The following FOXP2 variants were observed in gnomAD, a reference collection of about 807,000 sequenced individuals.
FOXP2 encodes the protein forkhead box P2, also known as forkhead box protein P2.
FOXP2 carries 12 observed loss-of-function variants against 115.8 expected under a neutral mutation model. The ratio of observed to expected loss-of-function variants is 0.10; its 90% CI spans 0.07 to 0.17. The LOEUF is 0.17. FOXP2 is among the 10% of genes least tolerant of loss of function. The pLI is 1.00. For synonymous variants in FOXP2, 328 were observed against 297.7 expected (o/e 1.10, Z -1.05); for missense variants, 629 against 843.5 (o/e 0.75, Z 3.15).
chr7:114,619,581 G>A (rs1056047573), intron 3 of FOXP2, among the ~76,000 whole-genome samples: 2 of 151,952 alleles, frequency 1.3e-5, no homozygotes, highest in Non-Finnish European at 2.9e-5. Context: ...AATGTTGCTA[G>A]GTTTTTTTAA....
At chr7:114,422,596 G>A (rs1034102078) in intron 1 of FOXP2, among the ~76,000 whole-genome samples, 1 of 151,552 alleles carries the variant, frequency 6.6e-6, no homozygotes, top group African/African-American at 2.4e-5. Flanking sequence ...AAAGAGATAG[G>A]GAGCATAAGA....
intron 2 of FOXP2, among the ~76,000 whole-genome samples, chr7:114,515,083 T>G (rs1251114746): frequency 6.6e-6 from 1 of 150,640 alleles, no homozygotes; most frequent in Non-Finnish European, 1.5e-5. Flanking sequence ...TTCCATGGTG[T>G]ATATGTGCCA....
At chr7:114,540,527 T>C (rs543835351) in intron 3 of FOXP2, among the ~76,000 whole-genome samples, 3 of 152,198 alleles carry the variant, frequency 2.0e-5, no homozygotes, top group East Asian at 3.9e-4. Context: ...CAGGGACTTA[T>C]GACTTAGTTG....
intron 2 of FOXP2, among the ~76,000 whole-genome samples, chr7:114,475,821 C>A (rs1796231231): frequency 6.6e-6 from 1 of 151,628 alleles, no homozygotes; most frequent in African/African-American, 2.4e-5. Flanking sequence ...AAACTAATAT[C>A]TATATCTATC....
At chr7:114,534,796 A>T in intron 3 of FOXP2, 90 bp downstream of exon 3, 1 of 947,514 alleles carries the variant, frequency 1.1e-6, no homozygotes, top group South Asian at 1.4e-5. Flanking sequence ...TATATACAGG[A>T]AATTATTACA....
Position 114,559,904 on chromosome 7 carries a change from T to A in FOXP2, c.258+25198T>A, listed in dbSNP as rs11972007. On this transcript the variant is annotated intron_variant, in intron 3 of 16. Transcript: ENST00000350908. The stretch of plus-strand genomic sequence containing the variant: ...ATTCCATCTTAAAAAAAAAAAAAAA[T>A]CTCATTTTAAAATTAATTTAAAATC... Among the ~76,000 whole-genome samples, 537 of 124,104 alleles carry A rather than the reference T, an allele frequency of 4.3e-3. 5 individuals are homozygous for A. The highest frequency in any genetic ancestry group is 0.012 in the African/African-American group (409 of 33,796). 81.4% of individuals were successfully genotyped at this position (124,104 alleles called of 152,430 possible). A position where few individuals can be genotyped will look rare whatever the true frequency, so the allele number is the denominator to read the frequency against.
chr7:114,322,303 A>G (rs1326660071), intron 2 of FOXP2, among the ~76,000 whole-genome samples: 3 of 151,380 alleles, frequency 2.0e-5, no homozygotes, highest in Admixed American at 1.3e-4. Flanking sequence ...GATTACAGGC[A>G]TGAGCCACCA....
At chr7:114,294,841 A>AAAATAAAC (rs1796698580) in intron 2 of FOXP2, among the ~76,000 whole-genome samples, 1 of 139,942 alleles carries the variant, frequency 7.1e-6, no homozygotes, top group South Asian at 2.5e-4. Flanking sequence ...ACACTGCCTC[A>AAAATAAAC]AAATAAATAA....
intron 3 of FOXP2, among the ~76,000 whole-genome samples, chr7:114,577,822 A>G (rs1584916099): frequency 6.6e-6 from 1 of 151,972 alleles, no homozygotes; most frequent in Admixed American, 6.6e-5. Context: ...CTGGCATACA[A>G]CAGCCAGTAT....
At chr7:114,270,118 T>TATACGTGGAATACATGGAA (rs1795998658) in intron 1 of FOXP2, among the ~76,000 whole-genome samples, 1 of 152,182 alleles carries the variant, frequency 6.6e-6, no homozygotes, top group Non-Finnish European at 1.5e-5. Context: ...TAATATACGT[T>TATACGTGGAATACATGGAA]TAAGGTTTTT....
intron 1 of FOXP2, among the ~76,000 whole-genome samples, chr7:114,255,741 G>C (rs1795594338): frequency 6.6e-6 from 1 of 152,070 alleles, no homozygotes; most frequent in Admixed American, 6.5e-5. Context: ...TGTGCTTCCT[G>C]GGTGAGGCAA....
chr7:114,624,592 A>T (rs1427970970), intron 3 of FOXP2, among the ~76,000 whole-genome samples: 1 of 151,836 alleles, frequency 6.6e-6, no homozygotes, highest in Non-Finnish European at 1.5e-5. Flanking sequence ...ACTGAACTGG[A>T]CTGTGAAAAG....
intron 1 of FOXP2, among the ~76,000 whole-genome samples, chr7:114,099,732 G>A (rs1799734663): frequency 6.6e-6 from 1 of 152,184 alleles, no homozygotes; most frequent in Non-Finnish European, 1.5e-5. Flanking sequence ...GGATGCTCAA[G>A]TCTCTGATAT....
intron 1 of FOXP2, among the ~76,000 whole-genome samples, chr7:114,098,854 T>C (rs1309375560): frequency 6.6e-6 from 1 of 152,158 alleles, no homozygotes; most frequent in Non-Finnish European, 1.5e-5. Context: ...CTCATATAAC[T>C]AGGCCAGGCA....
At chr7:114,512,832 C>T (rs1383479046) in intron 2 of FOXP2, among the ~76,000 whole-genome samples, 1 of 151,922 alleles carries the variant, frequency 6.6e-6, no homozygotes, top group Non-Finnish European at 1.5e-5. Context: ...ACCTGTAATC[C>T]CAGCACTTTG....
chr7:114,670,064 A>C (rs1012355338), intron 16 of FOXP2: 9 of 151,910 alleles, frequency 5.9e-5, no homozygotes, highest in African/African-American at 1.9e-4. Flanking sequence ...AGAGTCTCCT[A>C]CTGTTGAGTT....
intron 2 of FOXP2, among the ~76,000 whole-genome samples, chr7:114,502,457 G>T (rs1014067873): frequency 3.9e-5 from 6 of 152,064 alleles, no homozygotes; most frequent in African/African-American, 1.4e-4. Flanking sequence ...CAAAGATTCT[G>T]TTGTATTGTA....
chr7:114,463,916 A>G (rs1414882244), intron 2 of FOXP2, among the ~76,000 whole-genome samples: 1 of 152,204 alleles, frequency 6.6e-6, no homozygotes, highest in African/African-American at 2.4e-5. Context: ...ATAACTAACA[A>G]AGAGAGAGAC....
At chr7:114,164,252 G>T (rs1414126646) in intron 1 of FOXP2, among the ~76,000 whole-genome samples, 1 of 151,874 alleles carries the variant, frequency 6.6e-6, no homozygotes, top group African/African-American at 2.4e-5. Context: ...AGAAAAGGAA[G>T]ACTTTTTCGT....
Sources: gnomAD v4.1 joint callset for allele counts (sites outside exome capture counted in the v4.1 genomes callset) on GRCh38, gnomAD v4.1.1 for gene constraint, MANE v1.5 for transcripts, NCBI Gene and HGNC (gene_info 2026-07-23, HGNC 2026-07-21) for gene names.